Variants in OBI1 observed in about 807,000 individuals in gnomAD.
OBI1 encodes ring finger protein 219.
A neutral mutation model predicts 62.4 loss-of-function variants in OBI1; 59 were observed. The ratio of observed to expected loss-of-function variants is 0.95; its 90% CI spans 0.77 to 1.17. OBI1 has a LOEUF of 1.17. Among genes scored for constraint, OBI1 ranks in the 50% most tolerant of loss-of-function variants. The probability of loss-of-function intolerance (pLI) is 0.00; values close to 1 mark genes in which losing one functional copy is unlikely to be tolerated. For missense variants in OBI1, 875 were observed against 830.9 expected (o/e 1.05, Z -0.65); for synonymous variants, 302 against 292.8 (o/e 1.03, Z -0.32).
chr13:78,639,132 C>A, intron 3 of OBI1, 61 bp from the exon 4 acceptor site: 1 of 1,505,048 alleles, frequency 6.6e-7, no homozygotes. Flanking sequence ...CATACATATG[C>A]TAAACTGAAG....
intron 5 of OBI1, among the ~76,000 whole-genome samples, chr13:78,631,903 A>G (rs1370556470): frequency 6.6e-6 from 1 of 152,170 alleles, no homozygotes; most frequent in Non-Finnish European, 1.5e-5. Flanking sequence ...ATTGTTTTTA[A>G]AAGATTGTAT....
intron 3 of OBI1, among the ~76,000 whole-genome samples, chr13:78,641,062 A>C (rs1425024819): frequency 1.3e-5 from 2 of 152,160 alleles, no homozygotes; most frequent in African/African-American, 2.4e-5. Context: ...TCTTACTATG[A>C]TGCCATTTAT....
At chr13:78,656,247 C>A (rs187939245) in intron 1 of OBI1, among the ~76,000 whole-genome samples, 1 of 152,250 alleles carries the variant, frequency 6.6e-6, no homozygotes, top group African/African-American at 2.4e-5. Flanking sequence ...GATGTTATTA[C>A]CATATTTTTA....
intron 4 of OBI1, among the ~76,000 whole-genome samples, chr13:78,637,351 T>C (rs1356772258): frequency 1.3e-5 from 2 of 152,248 alleles, no homozygotes; most frequent in Non-Finnish European, 2.9e-5. Flanking sequence ...AATGGGCTTA[T>C]TCAATATCCC....
chr13:78,614,466 A>C lies in OBI1; in HGVS notation c.*1114T>G, dbSNP rs1413778542. On this transcript the variant is annotated 3_prime_UTR_variant, in exon 6 of 6. Transcript: ENST00000282003. ...AGAACAATACACTTTTTCAGAGCCT[A>C]AATTAAAAATTGTGCTTACCTCTTA... 3 of 152,664 alleles carry C rather than the reference A, an allele frequency of 2.0e-5. No homozygotes were observed. Among genetic ancestry groups the C allele is most frequent in the Non-Finnish European group, 4.4e-5 (3 of 68,050 alleles). The allele number at this position is 152,664 out of a possible 1,614,324, so 9.5% of individuals were successfully genotyped here. A position where few individuals can be genotyped will look rare whatever the true frequency, so the allele number is the denominator to read the frequency against.
chr13:78,627,951 C>A (rs766895144), intron 5 of OBI1, among the ~76,000 whole-genome samples: 11 of 152,078 alleles, frequency 7.2e-5, no homozygotes, highest in Non-Finnish European at 1.3e-4. Context: ...TCTTCAGATA[C>A]TGGGGGCTTT....
chr13:78,659,056 A>T lies in OBI1; in HGVS notation c.65T>A (p.Leu22Ter). Residue 22 changes from leucine to a stop codon, truncating the protein, a stop_gained, in exon 1 of 6, where the codon TTG (leucine) becomes TAG (stop). Coordinates refer to ENST00000282003, the MANE Select transcript of OBI1 (RefSeq NM_024546.4). LOFTEE classifies it high-confidence loss of function. ...CCCACAATCACCCATTACCTTCCCC[A>T]AGCAAATGTGGCACGTGATGGGCAG... ...LTLPITCHIC[L>*]GKVRQPVICI... The T allele has an allele frequency of 3.7e-6, 6 of 1,612,722 alleles. No homozygotes were observed. Among genetic ancestry groups the T allele is most frequent in the Non-Finnish European group, 5.1e-6 (6 of 1,179,480 alleles).
At chr13:78,635,906 G>C (rs918424816) in intron 4 of OBI1, among the ~76,000 whole-genome samples, 2 of 152,124 alleles carry the variant, frequency 1.3e-5, no homozygotes, top group Non-Finnish European at 2.9e-5. Context: ...GGGACTACAG[G>C]CATGTGCCAC....
intron 1 of OBI1, among the ~76,000 whole-genome samples, chr13:78,647,406 C>T (rs184278592): frequency 5.9e-5 from 9 of 152,366 alleles, no homozygotes; most frequent in Admixed American, 3.9e-4. Context: ...GGCAGCAATG[C>T]TGCTCTGTTA....
chr13:78,634,770 T>C (rs1875969664), intron 5 of OBI1, among the ~76,000 whole-genome samples: 1 of 152,172 alleles, frequency 6.6e-6, no homozygotes, highest in Non-Finnish European at 1.5e-5. Context: ...ACTAAGACTA[T>C]CTAAGAAAAT....
chr13:78,616,664 C>G lies in OBI1; in HGVS notation c.1097G>C (p.Arg366Thr). The G allele has an allele frequency of 6.2e-7, 1 of 1,614,140 alleles. No homozygotes were observed. ...GTCACTTGGTTTATTCCCCCATTCT[C>G]TTTCCAAATAAGTATCCATACTTGT... The part of the protein sequence containing the change: ...TDTSMDTYLE[R>T]EWGNKPSDCV... Residue 366 changes from arginine to threonine, a missense_variant, in exon 6 of 6, where the codon AGA becomes ACA. Transcript: ENST00000282003.
intron 5 of OBI1, among the ~76,000 whole-genome samples, chr13:78,631,327 T>C (rs1875841927): frequency 6.6e-6 from 1 of 152,140 alleles, no homozygotes; most frequent in Non-Finnish European, 1.5e-5. Context: ...GTTGTGACAT[T>C]TGCTAAGGGA....
intron 5 of OBI1, among the ~76,000 whole-genome samples, chr13:78,633,956 A>G (rs1293829540): frequency 6.6e-6 from 1 of 151,882 alleles, no homozygotes; most frequent in Non-Finnish European, 1.5e-5. Flanking sequence ...AGTCCCAGCT[A>G]TTCGGGAGGC....
At chr13:78,640,777 G>T (rs1876189481) in intron 3 of OBI1, among the ~76,000 whole-genome samples, 1 of 152,094 alleles carries the variant, frequency 6.6e-6, no homozygotes, top group African/African-American at 2.4e-5. Context: ...CTCCAGCCTG[G>T]GTGACAGAAT....
At chr13:78,634,896 A>C (rs1400004884) in intron 5 of OBI1, among the ~76,000 whole-genome samples, 1 of 152,254 alleles carries the variant, frequency 6.6e-6, no homozygotes, top group Non-Finnish European at 1.5e-5. Flanking sequence ...ATAAGAAAAA[A>C]GTACAGGCAT....
chr13:78,634,741 T>C (rs1875968509), intron 5 of OBI1, among the ~76,000 whole-genome samples: 1 of 152,204 alleles, frequency 6.6e-6, no homozygotes, highest in South Asian at 2.1e-4. Context: ...GAGAAAGAAC[T>C]ATATGAACAT....
intron 5 of OBI1, among the ~76,000 whole-genome samples, chr13:78,619,964 A>G (rs1343904042): frequency 6.6e-6 from 1 of 152,202 alleles, no homozygotes; most frequent in Admixed American, 6.5e-5. Flanking sequence ...TTTGTTTACT[A>G]CATTTGACTG....
In OBI1 at chr13:78,627,956, G is replaced by A. The variant is rs552675119; in HGVS notation, c.638+7154C>T. 2.6e-5 allele frequency among the ~76,000 whole-genome samples: 4 copies of A among 152,218 alleles called. No homozygotes were observed. The East Asian group carries it at 7.7e-4, about 29-fold the overall frequency. ...TTATCAGGTATCTTCAGATACTGGG[G>A]GCTTTGGAAATGAAGGGGATAGGCA... On this transcript the variant is annotated intron_variant, in intron 5 of 5. Coordinates refer to ENST00000282003, the MANE Select transcript of OBI1 (RefSeq NM_024546.4).
intron 1 of OBI1, among the ~76,000 whole-genome samples, chr13:78,645,655 T>C (rs1456663737): frequency 4.5e-5 from 1 of 22,168 alleles, no homozygotes; most frequent in Non-Finnish European, 1.4e-4. Context: ...CTTACATTTA[T>C]AGCATTTTTT....
Sources: gnomAD v4.1 joint callset for allele counts (sites outside exome capture counted in the v4.1 genomes callset) on GRCh38, gnomAD v4.1.1 for gene constraint, MANE v1.5 for transcripts, NCBI Gene and HGNC (gene_info 2026-07-23, HGNC 2026-07-21) for gene names.